VTI1A: variants seen among roughly 807,000 people sequenced by gnomAD.
VTI1A encodes the protein vesicle transport through interaction with t-SNAREs homolog 1A.
In VTI1A, 22 loss-of-function variants were observed where a neutral mutation model predicts 34.9. That is an observed-to-expected ratio of 0.63 (90% CI 0.45 to 0.90). The LOEUF is 0.90. Ranked by LOEUF, VTI1A falls within the 40% of genes least tolerant of loss-of-function variation. The pLI is 0.00. For synonymous variants in VTI1A, 87 were observed against 97.3 expected, an observed-to-expected ratio of 0.89 and a Z score of 0.62; for missense variants, 268 against 275.6, an observed-to-expected ratio of 0.97 and a Z score of 0.20.
intron 5 of VTI1A, among the ~76,000 whole-genome samples, chr10:112,599,032 C>T (rs1039976529): frequency 2.0e-5 from 3 of 152,160 alleles, no homozygotes; most frequent in Non-Finnish European, 4.4e-5. Flanking sequence ...ACCATTTCTC[C>T]AAAACATACC....
intron 3 of VTI1A, among the ~76,000 whole-genome samples, chr10:112,467,479 G>A (rs889505781): frequency 6.6e-6 from 1 of 151,984 alleles, no homozygotes; most frequent in African/African-American, 2.4e-5. Context: ...AAAAAAAATA[G>A]CAAAAAACCT....
At chr10:112,828,107 C>T in the VTI1A span, among the ~76,000 whole-genome samples, 188 of 152,108 alleles carry the variant, frequency 1.2e-3, 1 homozygote, top group African/African-American at 4.4e-3. Context: ...ATTAGGTCGC[C>T]GTGGAAAACA....
At chr10:112,477,439 C>G (rs1410902335) in intron 3 of VTI1A, among the ~76,000 whole-genome samples, 1 of 152,208 alleles carries the variant, frequency 6.6e-6, no homozygotes, top group East Asian at 1.9e-4. Context: ...TATTACAGGT[C>G]AAGCTCCATC....
chr10:112,755,328 A>G (rs1265041484), intron 7 of VTI1A, among the ~76,000 whole-genome samples: 1 of 152,200 alleles, frequency 6.6e-6, no homozygotes, highest in Non-Finnish European at 1.5e-5. Context: ...CATAGCAGAA[A>G]GATGCCCGCT....
intron 7 of VTI1A, among the ~76,000 whole-genome samples, chr10:112,802,624 G>T (rs12262066): frequency 3.9e-4 from 60 of 152,348 alleles, no homozygotes; most frequent in African/African-American, 1.3e-3. Context: ...GGATGTTGCT[G>T]CAGCCGCATT....
At position 112,480,413 on chromosome 10, in the gene VTI1A, G is replaced by A. The variant is rs116622826; in HGVS notation, c.264+15756G>A. Among the ~76,000 whole-genome samples the A allele has an allele frequency of 7.1e-3, 1,080 of 152,264 alleles. 14 individuals carry two copies. Among genetic ancestry groups the A allele is most frequent in the African/African-American group, 0.025 (1,040 of 41,562 alleles). ...AAAGATGAATAAGACAAATTTTTCA[G>A]GGAGCTTGTTGCCTTAATAATTACA... On this transcript the variant is annotated intron_variant, in intron 3 of 7. Transcript: ENST00000393077.
chr10:112,807,037 T>G (rs1044645916), intron 7 of VTI1A, among the ~76,000 whole-genome samples: 6 of 152,212 alleles, frequency 3.9e-5, no homozygotes, highest in Non-Finnish European at 7.3e-5. Context: ...GATGTAAGAA[T>G]CAAAAGCTTC....
intron 5 of VTI1A, among the ~76,000 whole-genome samples, chr10:112,621,483 A>G (rs1281637095): frequency 9.2e-5 from 14 of 152,198 alleles, no homozygotes. Context: ...CATCCTTATC[A>G]GGTACACATT....
chr10:112,686,476 C>CTATAGAAATAG (rs1157887261), intron 7 of VTI1A, among the ~76,000 whole-genome samples: 2 of 152,178 alleles, frequency 1.3e-5, no homozygotes, highest in Non-Finnish European at 1.5e-5. Context: ...TATAGCCCTA[C>CTATAGAAATAG]CCTTGGGCCT....
intron 7 of VTI1A, among the ~76,000 whole-genome samples, chr10:112,797,900 G>T (rs543058684): frequency 6.6e-6 from 1 of 152,220 alleles, no homozygotes; most frequent in Non-Finnish European, 1.5e-5. Flanking sequence ...CTCTCTGAGC[G>T]TTCTGGCAGC....
chr10:112,769,432 C>A (rs759837550), intron 7 of VTI1A, among the ~76,000 whole-genome samples: 9 of 152,166 alleles, frequency 5.9e-5, no homozygotes, highest in Non-Finnish European at 1.0e-4. Flanking sequence ...AGTGAGTTGA[C>A]TTAAAGTCCA....
intron 5 of VTI1A, among the ~76,000 whole-genome samples, chr10:112,632,376 G>T (rs906207199): frequency 9.2e-5 from 14 of 152,178 alleles, no homozygotes; most frequent in Non-Finnish European, 1.8e-4. Flanking sequence ...TAAAATCAGG[G>T]TTTATTTTAA....
chr10:112,797,426 G>A (rs1231950143), intron 7 of VTI1A, among the ~76,000 whole-genome samples: 2 of 152,278 alleles, frequency 1.3e-5, no homozygotes, highest in South Asian at 2.1e-4. Flanking sequence ...GACAATTGCT[G>A]TAAATCCCCC....
intron 3 of VTI1A, among the ~76,000 whole-genome samples, chr10:112,512,549 A>C (rs1351655977): frequency 6.6e-6 from 1 of 152,110 alleles, no homozygotes; most frequent in Non-Finnish European, 1.5e-5. Flanking sequence ...TTTTTAGCTT[A>C]ATTAAGTCCC....
chr10:112,587,347 G>C (rs180745919), intron 5 of VTI1A, among the ~76,000 whole-genome samples: 1 of 152,198 alleles, frequency 6.6e-6, no homozygotes, highest in Admixed American at 6.5e-5. Flanking sequence ...TATATTGTAT[G>C]TTCTTGCCCC....
At chr10:112,723,536 A>G (rs1849890560) in intron 7 of VTI1A, among the ~76,000 whole-genome samples, 1 of 152,170 alleles carries the variant, frequency 6.6e-6, no homozygotes, top group African/African-American at 2.4e-5. Flanking sequence ...TAACTGGGAA[A>G]GGCATGTACT....
chr10:112,724,805 A>C (rs1391847576), intron 7 of VTI1A, among the ~76,000 whole-genome samples: 2 of 151,892 alleles, frequency 1.3e-5, no homozygotes, highest in Admixed American at 6.6e-5. Flanking sequence ...AAAAAGAAAA[A>C]AAAACAAAAA....
rs141243821 is a variant in VTI1A, at chr10:112,591,091, ACT to A, written c.427+52764_427+52765del. 2.0e-3 allele frequency among the ~76,000 whole-genome samples: 306 copies of A among 152,142 alleles called. 1 individual carries two copies. Among genetic ancestry groups the A allele is most frequent in the African/African-American group, 6.7e-3 (276 of 41,490 alleles). On this transcript the variant is annotated intron_variant, in intron 5 of 7. Transcript: ENST00000393077. ...ACTCCAGCCTGGTCAACAGAGCGAG[ACT>A]CTGTCTCAAAAAAAAGAGAAAGAAA...
intron 5 of VTI1A, among the ~76,000 whole-genome samples, chr10:112,638,152 T>G (rs911961832): frequency 1.3e-5 from 2 of 152,218 alleles, no homozygotes; most frequent in Non-Finnish European, 2.9e-5. Flanking sequence ...TCTCAGTGTA[T>G]TATGCTGTTT....
Sources: gnomAD v4.1 joint callset for allele counts (sites outside exome capture counted in the v4.1 genomes callset) on GRCh38, gnomAD v4.1.1 for gene constraint, MANE v1.5 for transcripts, NCBI Gene and HGNC (gene_info 2026-07-23, HGNC 2026-07-21) for gene names.